Variants in SV2C observed in about 807,000 individuals in gnomAD.
SV2C encodes solute carrier family 22 member B3.
A neutral mutation model predicts 79.7 loss-of-function variants in SV2C; 49 were observed. The ratio of observed to expected loss-of-function variants is 0.61; its 90% CI spans 0.49 to 0.78. The LOEUF is 0.78. Among genes scored for constraint, SV2C ranks in the 30% least tolerant of loss-of-function variants. The pLI is 0.00. For synonymous variants in SV2C, 334 were observed against 333.2 expected (o/e 1.00, Z -0.03); for missense variants, 833 against 912.9 (o/e 0.91, Z 1.13).
At chr5:76,336,132 G>A (rs1165409791), downstream of SV2C, among the ~76,000 whole-genome samples, 3 of 146,984 alleles carry the variant, frequency 2.0e-5, no homozygotes, top group African/African-American at 5.0e-5. Flanking sequence ...CGGACGGGGC[G>A]GCTGGCCTGG....
intron 8 of SV2C, among the ~76,000 whole-genome samples, chr5:76,293,614 G>A (rs1747633807): frequency 6.6e-6 from 1 of 152,084 alleles, no homozygotes; most frequent in South Asian, 2.1e-4. Flanking sequence ...TGCCATAAAT[G>A]TTGTACCCCT....
chr5:76,037,122 T>C, the SV2C span, among the ~76,000 whole-genome samples: 4 of 152,218 alleles, frequency 2.6e-5, no homozygotes, highest in Non-Finnish European at 5.9e-5. Context: ...TTCTCTGTAT[T>C]GGTTATTCTA....
chr5:75,980,091 C>A, the SV2C span, among the ~76,000 whole-genome samples: 1 of 152,278 alleles, frequency 6.6e-6, no homozygotes, highest in East Asian at 1.9e-4. Context: ...GTGAACATAT[C>A]TATGCACATA....
rs185983148 is a variant in SV2C, at chr5:76,095,097, C to T, written c.-102+11585C>T. ...ATAGTTTTACATTTTATAATTGGGTCTATACTCCATTTTAATTTTTGTTTA... is the reference window on the plus strand; with the variant it reads ...ATAGTTTTACATTTTATAATTGGGTTTATACTCCATTTTAATTTTTGTTTA... On this transcript the variant is annotated intron_variant, in intron 1 of 12. Transcript: ENST00000502798. Among the ~76,000 whole-genome samples, 10 of 151,606 alleles carry T rather than the reference C, an allele frequency of 6.6e-5. No homozygotes were observed. The East Asian group carries it at 1.9e-3, about 30-fold the overall frequency.
At chr5:76,080,697 C>T (rs779425559), upstream of SV2C, among the ~76,000 whole-genome samples, 7 of 152,168 alleles carry the variant, frequency 4.6e-5, no homozygotes, top group African/African-American at 1.2e-4. Flanking sequence ...CATCACAAGA[C>T]GACACCCTGC....
chr5:75,928,180 C>T, the SV2C span, among the ~76,000 whole-genome samples: 1 of 152,178 alleles, frequency 6.6e-6, no homozygotes, highest in Non-Finnish European at 1.5e-5. Flanking sequence ...TCAACCATCA[C>T]CACCATCTAC....
At chr5:76,229,728 C>T (rs1464357789) in intron 4 of SV2C, among the ~76,000 whole-genome samples, 5 of 152,166 alleles carry the variant, frequency 3.3e-5, no homozygotes, top group African/African-American at 4.8e-5. Flanking sequence ...ATAACAAGGG[C>T]GAAAGCCCTC....
At chr5:75,892,928 G>A in the SV2C span, among the ~76,000 whole-genome samples, 2 of 151,910 alleles carry the variant, frequency 1.3e-5, no homozygotes, top group Non-Finnish European at 2.9e-5. Flanking sequence ...ATTTTTCTTT[G>A]GGTATATACC....
At chr5:75,857,932 TACTC>T in the SV2C span, among the ~76,000 whole-genome samples, 2 of 152,230 alleles carry the variant, frequency 1.3e-5, no homozygotes, top group African/African-American at 4.8e-5. Context: ...AGAGAAATGC[TACTC>T]ATTTTTGTAT....
chr5:76,071,409 A>G, the SV2C span, among the ~76,000 whole-genome samples: 2 of 152,232 alleles, frequency 1.3e-5, no homozygotes, highest in African/African-American at 4.8e-5. Flanking sequence ...TATAGGATGC[A>G]CTGTCATGCA....
chr5:75,852,356 C>CA, the SV2C span, among the ~76,000 whole-genome samples: 1 of 151,672 alleles, frequency 6.6e-6, no homozygotes, highest in Non-Finnish European at 1.5e-5. Context: ...AATAAATACA[C>CA]AAAAAATTAT....
At chr5:75,915,072 C>T in the SV2C span, among the ~76,000 whole-genome samples, 1 of 152,114 alleles carries the variant, frequency 6.6e-6, no homozygotes, top group Non-Finnish European at 1.5e-5. Context: ...GGGAAAGATC[C>T]CCCCATGATT....
chr5:76,071,369 C>T, the SV2C span, among the ~76,000 whole-genome samples: 1 of 152,162 alleles, frequency 6.6e-6, no homozygotes, highest in South Asian at 2.1e-4. Context: ...AAAGTGGGCA[C>T]AAATTGCATT....
At chr5:76,043,330 A>C in the SV2C span, among the ~76,000 whole-genome samples, 1 of 152,188 alleles carries the variant, frequency 6.6e-6, no homozygotes, top group South Asian at 2.1e-4. Flanking sequence ...ACTTGTGGGT[A>C]TATCACTTCC....
At chr5:76,212,761 C>G (rs949544641) in intron 4 of SV2C, among the ~76,000 whole-genome samples, 16 of 152,220 alleles carry the variant, frequency 1.1e-4, no homozygotes, top group Admixed American at 2.0e-4. Flanking sequence ...TTTTTTCTCA[C>G]TAGGAATTCA....
At chr5:76,035,164 G>T in the SV2C span, among the ~76,000 whole-genome samples, 2 of 151,066 alleles carry the variant, frequency 1.3e-5, no homozygotes, top group South Asian at 2.1e-4. Flanking sequence ...CTTGCTAGCG[G>T]TCTATCAATT....
chr5:76,124,589 T>C (rs1364543123), intron 1 of SV2C, among the ~76,000 whole-genome samples: 1 of 152,206 alleles, frequency 6.6e-6, no homozygotes, highest in Non-Finnish European at 1.5e-5. Context: ...TATAAATATC[T>C]TCTCCAAAAT....
chr5:75,891,494 G>C, the SV2C span, among the ~76,000 whole-genome samples: 1 of 152,040 alleles, frequency 6.6e-6, no homozygotes, highest in Non-Finnish European at 1.5e-5. Flanking sequence ...ATCAATATCT[G>C]TAAGTTTTAA....
chr5:75,924,576 T>A, the SV2C span, among the ~76,000 whole-genome samples: 1 of 152,202 alleles, frequency 6.6e-6, no homozygotes, highest in Admixed American at 6.5e-5. Flanking sequence ...ACATCTTAAC[T>A]ATCACATATG....
Sources: gnomAD v4.1 joint callset for allele counts (sites outside exome capture counted in the v4.1 genomes callset) on GRCh38, gnomAD v4.1.1 for gene constraint, MANE v1.5 for transcripts, NCBI Gene and HGNC (gene_info 2026-07-23, HGNC 2026-07-21) for gene names.